Variants in MICU1 observed in about 807,000 individuals in gnomAD.
MICU1 encodes the protein calcium uptake protein 1, mitochondrial.
MICU1 carries 45 observed loss-of-function variants against 56.8 expected under a neutral mutation model. The observed-to-expected ratio is 0.79, with a 90% CI of 0.62 to 1.02. The LOEUF (loss-of-function observed/expected upper bound fraction) is 1.02, where lower values mean the gene tolerates loss of function less well. Among genes scored for constraint, MICU1 ranks in the 50% least tolerant of loss-of-function variants. MICU1 has a pLI of 0.00. For missense variants in MICU1, 504 were observed against 587.1 expected, an observed-to-expected ratio of 0.86 and a Z score of 1.46; for synonymous variants, 186 against 195.1, an observed-to-expected ratio of 0.95 and a Z score of 0.39.
At chr10:72,392,346 G>A (rs970508373) in intron 10 of MICU1, among the ~76,000 whole-genome samples, 5 of 152,094 alleles carry the variant, frequency 3.3e-5, no homozygotes, top group Non-Finnish European at 7.4e-5. Context: ...TGAGGTGGGC[G>A]ATCATTTGAG....
intron 11 of MICU1, among the ~76,000 whole-genome samples, chr10:72,373,575 GAGAT>G (rs1862419262): frequency 6.6e-6 from 1 of 152,052 alleles, no homozygotes; most frequent in Non-Finnish European, 1.5e-5. Flanking sequence ...ATAAATCTCA[GAGAT>G]GTTAAATAAT....
intron 6 of MICU1, 45 bp downstream of exon 6, chr10:72,508,110 C>A (rs747563887): frequency 3.3e-5 from 31 of 927,890 alleles, no homozygotes; most frequent in Non-Finnish European, 1.1e-5. Context: ...TGTTTATAGT[C>A]CTGTATCTGC....
intron 1 of MICU1, among the ~76,000 whole-genome samples, chr10:72,621,340 A>T (rs936513630): frequency 4.6e-5 from 7 of 151,974 alleles, no homozygotes; most frequent in Non-Finnish European, 8.8e-5. Context: ...ATACAAAAAA[A>T]AAATAGCCAG....
At chr10:72,473,049 G>C (rs1170677501) in intron 8 of MICU1, 1 of 152,060 alleles carries the variant, frequency 6.6e-6, no homozygotes, top group African/African-American at 2.4e-5. Flanking sequence ...GCAGTGAGTG[G>C]AGATCGCGCC....
At chr10:72,537,192 A>C (rs1025129703) in intron 4 of MICU1, among the ~76,000 whole-genome samples, 9 of 152,168 alleles carry the variant, frequency 5.9e-5, no homozygotes, top group African/African-American at 2.2e-4. Context: ...TGATTATTTC[A>C]CCTTGTTATG....
chr10:72,508,182 A>G lies in MICU1; in HGVS notation c.625T>C (p.Tyr209His). The change falls in exon 6 of 12, where the codon TAC (tyrosine) becomes CAC (histidine). Residue 209 changes from tyrosine to histidine, a missense_variant. Coordinates refer to ENST00000361114, the MANE Select transcript of MICU1 (RefSeq NM_001195518.2). ...GAAAGAACAGTTGTGAGGAAAATGTAGTCTGAAAAGGATATGAGCCCACAT... is the reference window on the plus strand; with the variant it reads ...GAAAGAACAGTTGTGAGGAAAATGTGGTCTGAAAAGGATATGAGCCCACAT... ...GECGLISFSD[Y>H]IFLTTVLSTP... 6.5e-7 allele frequency: 1 copy of G among 1,534,702 alleles called. No homozygotes were observed. The highest frequency in any genetic ancestry group is 8.9e-7 in the Non-Finnish European group (1 of 1,127,506).
Position 72,551,203 on chromosome 10 carries a change from T to C in MICU1, c.469A>G (p.Thr157Ala). 6.2e-7 allele frequency: 1 copy of C among 1,608,968 alleles called. No homozygotes were observed. Among genetic ancestry groups the C allele is most frequent in the South Asian group, 1.1e-5 (1 of 90,134 alleles). Reference sequence around the variant, plus strand: ...CGTTCTGGTTGTTTTTCATTGGGTGTTATGGATCGCACAAAATCTTCTGGT... The same window carrying C: ...CGTTCTGGTTGTTTTTCATTGGGTGCTATGGATCGCACAAAATCTTCTGGT... ...MTPEDFVRSI[T>A]PNEKQPEHLG... Residue 157 changes from threonine (T) to alanine (A), a missense_variant, in exon 4 of 12, where the codon ACA becomes GCA. Transcript: ENST00000361114.
intron 1 of MICU1, among the ~76,000 whole-genome samples, chr10:72,577,526 A>T (rs1276779166): frequency 6.6e-6 from 1 of 151,368 alleles, no homozygotes. Context: ...AAAAAAAAAA[A>T]GTATACAGCC....
chr10:72,556,934 G>T (rs770262563), intron 3 of MICU1, among the ~76,000 whole-genome samples: 6 of 151,756 alleles, frequency 4.0e-5, no homozygotes, highest in Admixed American at 3.9e-4. Context: ...GCGTAGTGTC[G>T]GGTGTCTGTA....
intron 1 of MICU1, among the ~76,000 whole-genome samples, chr10:72,606,006 C>A (rs1272246019): frequency 6.6e-6 from 1 of 151,828 alleles, no homozygotes; most frequent in African/African-American, 2.4e-5. Context: ...TGGCGCATGC[C>A]TGTAGTCCCA....
intron 8 of MICU1, among the ~76,000 whole-genome samples, chr10:72,436,818 T>C (rs945275466): frequency 6.6e-6 from 1 of 151,986 alleles, no homozygotes; most frequent in Non-Finnish European, 1.5e-5. Flanking sequence ...TATCAGTGAT[T>C]GAAGATCAAA....
In MICU1 at chr10:72,551,285, T is replaced by A; in HGVS notation, c.387A>T (p.Arg129=). The change falls in exon 4 of 12, where the codon CGA becomes CGT. Residue 129 remains arginine, a synonymous_variant. Transcript: ENST00000361114. ...TGATGACTTTCAAGGTGGCAAAATA[T>A]CGGAAGATTTTGTCTGGCGTGGAGT... ...RAYSTPDKIF[R]YFATLKVISE... is the part of the protein sequence containing the mutation. 1 of 1,613,588 alleles carries A rather than the reference T, an allele frequency of 6.2e-7. No individual in the cohort carries two copies. Among genetic ancestry groups the A allele is most frequent in the South Asian group, 1.1e-5 (1 of 91,004 alleles).
intron 2 of MICU1, among the ~76,000 whole-genome samples, chr10:72,563,758 A>G (rs1222192604): frequency 1.3e-5 from 2 of 152,190 alleles, no homozygotes; most frequent in Non-Finnish European, 2.9e-5. Flanking sequence ...ACCAGAGACG[A>G]TGAGCCCTTC....
rs56262647 is a variant in MICU1 at position 72,456,849 on chromosome 10, TTGTGTGTGTGTGTGTGTGTGTGTGTG to T, written c.933+18225_933+18250del. Among the ~76,000 whole-genome samples the T allele has an allele frequency of 8.5e-4, 115 of 134,644 alleles. 2 individuals are homozygous for T. The highest frequency in any genetic ancestry group is 3.2e-3 in the East Asian group (12 of 3,720). The allele number at this position is 134,644 out of a possible 152,430, so 88.3% of individuals were successfully genotyped here. A position where few individuals can be genotyped will look rare whatever the true frequency, so the allele number is the denominator to read the frequency against. On this transcript the variant is annotated intron_variant, in intron 8 of 11. Transcript: ENST00000361114. ...GATGCACCACCATGCCGGGCTCATTTTGTGTGTGTGTGTGTGTGTGTGTGTGTGTGTGTGTGTGTGTGTGTGTGTGT... is the reference window on the plus strand; with the variant it reads ...GATGCACCACCATGCCGGGCTCATTTTGTGTGTGTGTGTGTGTGTGTGTGT...
chr10:72,422,505 A>T (rs555527523), intron 9 of MICU1, among the ~76,000 whole-genome samples: 1 of 152,040 alleles, frequency 6.6e-6, no homozygotes, highest in Non-Finnish European at 1.5e-5. Context: ...CTGCTTCTGT[A>T]CTTTTCATCG....
chr10:72,561,031 T>C (rs1026687141), intron 3 of MICU1, among the ~76,000 whole-genome samples: 5 of 152,068 alleles, frequency 3.3e-5, no homozygotes, highest in Non-Finnish European at 7.4e-5. Flanking sequence ...AGTGTTGAAA[T>C]AGATTATTAG....
chr10:72,494,355 G>A (rs569809308), intron 6 of MICU1, among the ~76,000 whole-genome samples: 1 of 152,160 alleles, frequency 6.6e-6, no homozygotes, highest in Admixed American at 6.5e-5. Flanking sequence ...AGACTTCTAG[G>A]GACAATCTAG....
Position 72,424,573 on chromosome 10 carries a change from T to A in MICU1, c.934-1202A>T, listed in dbSNP as rs189101770. 2.0e-3 allele frequency among the ~76,000 whole-genome samples: 298 copies of A among 152,254 alleles called. 1 individual carries two copies. Among genetic ancestry groups the A allele is most frequent in the African/African-American group, 6.8e-3 (282 of 41,548 alleles). ...ATCAAGCAATCTGCCTGCCTTGGCC[T>A]CCTAAAGTGCTGGGATTACAGGTGT... On this transcript the variant is annotated intron_variant, in intron 8 of 11. Coordinates refer to ENST00000361114, the MANE Select transcript of MICU1 (RefSeq NM_001195518.2).
intron 6 of MICU1, among the ~76,000 whole-genome samples, chr10:72,481,181 T>C (rs1350837331): frequency 6.6e-6 from 1 of 152,176 alleles, no homozygotes; most frequent in African/African-American, 2.4e-5. Context: ...TGTCAAAGCA[T>C]ATGGGACAAA....
Sources: allele counts gnomAD v4.1 joint callset (sites outside exome capture counted in the v4.1 genomes callset), GRCh38; gene constraint gnomAD v4.1.1; transcripts MANE v1.5; gene names NCBI Gene and HGNC (gene_info 2026-07-23, HGNC 2026-07-21).